ASNS: variants seen among roughly 807,000 people sequenced by gnomAD.
ASNS encodes asparagine synthetase (glutamine-hydrolyzing).
ASNS carries 37 observed loss-of-function variants against 62.6 expected under a neutral mutation model. The ratio of observed to expected loss-of-function variants is 0.59; its 90% confidence interval spans 0.45 to 0.78. The LOEUF (loss-of-function observed/expected upper bound fraction) is 0.78, where lower values mean the gene tolerates loss of function less well. Ranked by LOEUF, ASNS falls within the 30% of genes least tolerant of loss-of-function variation. ASNS has a pLI of 0.00. For synonymous variants in ASNS, 207 were observed against 237.9 expected, an observed-to-expected ratio of 0.87 and a Z score of 1.19; for missense variants, 520 against 682.4, an observed-to-expected ratio of 0.76 and a Z score of 2.65.
At chr7:97,879,616 T>C in the ASNS span, among the ~76,000 whole-genome samples, 1 of 152,128 alleles carries the variant, frequency 6.6e-6, no homozygotes, top group Admixed American at 6.5e-5. Flanking sequence ...ACCAGCAGCC[T>C]GCAAGGAACT....
At chr7:97,873,425 T>C (rs1974562), upstream of ASNS, among the ~76,000 whole-genome samples, 124,564 of 152,182 alleles carry the variant, frequency 0.82, 51,659 homozygotes, top group African/African-American at 0.95. Flanking sequence ...ATCAAAAACG[T>C]CAACAATTTA....
At chr7:97,882,248 G>A in the ASNS span, among the ~76,000 whole-genome samples, 2 of 152,080 alleles carry the variant, frequency 1.3e-5, no homozygotes, top group African/African-American at 4.8e-5. Context: ...AGAGAAATGT[G>A]CTTTTAAAAA....
At chr7:97,899,296 CT>C in the ASNS span, among the ~76,000 whole-genome samples, 1 of 151,936 alleles carries the variant, frequency 6.6e-6, no homozygotes, top group East Asian at 1.9e-4. Context: ...TTTATTTTTT[CT>C]TTTTTTGTAC....
the ASNS span, among the ~76,000 whole-genome samples, chr7:97,889,323 C>A: frequency 1.3e-5 from 2 of 152,080 alleles, no homozygotes; most frequent in East Asian, 3.9e-4. Flanking sequence ...TCGAGAGCAG[C>A]CTGGCCAACA....
chr7:97,860,347 T>C (rs1791655117), intron 4 of ASNS, among the ~76,000 whole-genome samples: 1 of 152,180 alleles, frequency 6.6e-6, no homozygotes, highest in Admixed American at 6.6e-5. Context: ...GTCAAGGATA[T>C]AGAAAAGAAC....
chr7:97,880,050 C>T, the ASNS span, among the ~76,000 whole-genome samples: 17 of 152,094 alleles, frequency 1.1e-4, no homozygotes, highest in Non-Finnish European at 2.5e-4. Flanking sequence ...GCTACATATA[C>T]CAAATGTATT....
chr7:97,879,301 C>G, the ASNS span, among the ~76,000 whole-genome samples: 2 of 152,184 alleles, frequency 1.3e-5, no homozygotes, highest in Non-Finnish European at 2.9e-5. Context: ...CAAATGGGAT[C>G]TAATTAAACT....
chr7:97,864,736 G>A (rs1356274144), intron 3 of ASNS, among the ~76,000 whole-genome samples: 1 of 152,018 alleles, frequency 6.6e-6, no homozygotes, highest in Non-Finnish European at 1.5e-5. Flanking sequence ...AGAACATAAT[G>A]GGAATGTGCC....
the ASNS span, among the ~76,000 whole-genome samples, chr7:97,884,491 G>A: frequency 6.6e-6 from 1 of 152,260 alleles, no homozygotes. Flanking sequence ...AGAGGTTGCC[G>A]TGAGCCAAGG....
chr7:97,922,110 A>G, the ASNS span, among the ~76,000 whole-genome samples: 2 of 152,174 alleles, frequency 1.3e-5, no homozygotes, highest in African/African-American at 4.8e-5. Context: ...CATGCCTGTA[A>G]TCCCAGCACT....
At chr7:97,858,169 G>C (rs1791545602) in intron 7 of ASNS, 109 bp downstream of exon 7, 1 of 1,412,780 alleles carries the variant, frequency 7.1e-7, no homozygotes, top group African/African-American at 1.4e-5. Flanking sequence ...TAAAACAATT[G>C]ACCCAGTCAA....
chr7:97,856,330 T>C (rs1472827732), intron 8 of ASNS, among the ~76,000 whole-genome samples: 4 of 152,190 alleles, frequency 2.6e-5, no homozygotes, highest in Non-Finnish European at 5.9e-5. Flanking sequence ...AAAATGACTA[T>C]TTCTTATCAA....
the ASNS span, among the ~76,000 whole-genome samples, chr7:97,881,235 C>T: frequency 6.6e-6 from 1 of 152,280 alleles, no homozygotes; most frequent in Non-Finnish European, 1.5e-5. Context: ...AGCCATTGCT[C>T]CTAGCAGTAT....
Position 97,859,330 on chromosome 7 carries a change from C to A in ASNS, c.556G>T (p.Glu186Ter). The change falls in exon 5 of 13, where the codon GAA becomes TAA. Residue 186 changes from glutamate (E) to a stop codon, truncating the protein, a stop_gained. Coordinates refer to ENST00000394308, the MANE Select transcript of ASNS (RefSeq NM_001673.5). LOFTEE classifies it high-confidence loss of function. Reference protein sequence around the residue: ...KVEPFLPGHYEVLDLKPNGKV... With the variant: ...KVEPFLPGHY Reference sequence around the variant, plus strand: ...CCATTTGGCTTTAAATCCAAAACTTCATAGTGTCCAGGAAGAAAAGGCTCC... The same window carrying A: ...CCATTTGGCTTTAAATCCAAAACTTAATAGTGTCCAGGAAGAAAAGGCTCC... The A allele has an allele frequency of 6.2e-7, 1 of 1,614,112 alleles. No individual in the cohort carries two copies. The highest frequency in any genetic ancestry group is 8.5e-7 in the Non-Finnish European group (1 of 1,180,002).
At chr7:97,924,254 C>T in the ASNS span, among the ~76,000 whole-genome samples, 1 of 152,192 alleles carries the variant, frequency 6.6e-6, no homozygotes, top group Non-Finnish European at 1.5e-5. Context: ...CTTCTTCCTG[C>T]TCAAAGGACT....
chr7:97,874,624 C>T (rs547729762), upstream of ASNS, among the ~76,000 whole-genome samples: 4 of 152,376 alleles, frequency 2.6e-5, no homozygotes, highest in Admixed American at 6.5e-5. Context: ...TCATAATCCA[C>T]GTTCTTCTGT....
At chr7:97,883,910 C>T in the ASNS span, among the ~76,000 whole-genome samples, 172 of 148,096 alleles carry the variant, frequency 1.2e-3, 2 homozygotes, top group African/African-American at 4.2e-3. Context: ...ATGGCGTGAA[C>T]GCGGGAGGTG....
intron 12 of ASNS, among the ~76,000 whole-genome samples, chr7:97,852,731 GGTGCC>G (rs1418655158): frequency 6.6e-6 from 1 of 152,134 alleles, no homozygotes; most frequent in East Asian, 1.9e-4. Flanking sequence ...GCACCCAGCA[GGTGCC>G]CAAAAATCTG....
intron 4 of ASNS, 116 bp from the exon 5 acceptor site, chr7:97,859,514 A>C: frequency 8.9e-7 from 1 of 1,120,132 alleles, no homozygotes; most frequent in Non-Finnish European, 1.2e-6. Flanking sequence ...ACACATACCC[A>C]TTAAATAAGC....
Sources: gnomAD v4.1 joint callset for allele counts (sites outside exome capture counted in the v4.1 genomes callset) on GRCh38, gnomAD v4.1.1 for gene constraint, MANE v1.5 for transcripts, NCBI Gene and HGNC (gene_info 2026-07-23, HGNC 2026-07-21) for gene names.